Variants in GABRB1 observed in about 807,000 individuals in gnomAD.
GABRB1 encodes the protein gamma-aminobutyric acid receptor subunit beta-1.
A neutral mutation model predicts 51.6 loss-of-function variants in GABRB1; 17 were observed. The observed-to-expected ratio is 0.33, with a 90% CI of 0.23 to 0.49. The LOEUF is 0.49. Ranked by LOEUF, GABRB1 falls within the 20% of genes least tolerant of loss-of-function variation. GABRB1 has a pLI of 0.99. For synonymous variants in GABRB1, 247 were observed against 218.9 expected (o/e 1.13, Z -1.14); for missense variants, 410 against 600.6 (o/e 0.68, Z 3.32).
chr4:47,089,667 A>G (rs553727847), intron 3 of GABRB1, among the ~76,000 whole-genome samples: 1 of 152,352 alleles, frequency 6.6e-6, no homozygotes, highest in South Asian at 2.1e-4. Context: ...AGATTCAAAT[A>G]TTATAATCGA....
Position 47,371,933 on chromosome 4 carries a change from CTTAGT to C in GABRB1, c.545-31381_545-31377del, listed in dbSNP as rs200155221. Among the ~76,000 whole-genome samples the C allele has an allele frequency of 1.3e-4, 20 of 152,204 alleles. No individual in the cohort carries two copies. In the East Asian group the frequency reaches 3.7e-3, roughly 28 times the overall value. ...TATTTATTTTGCTATACAGAAGCTC[CTTAGT>C]TTAATTAGATCCATTTGTCAATTTT... On this transcript the variant is annotated intron_variant, in intron 5 of 8. Transcript: ENST00000295454.
At chr4:47,420,156 G>C (rs116543091) in intron 8 of GABRB1, among the ~76,000 whole-genome samples, 5 of 152,254 alleles carry the variant, frequency 3.3e-5, no homozygotes, top group African/African-American at 7.2e-5. Context: ...AAGCACAGGA[G>C]GGTTCAACAT....
At chr4:47,055,636 C>A (rs1276366168) in intron 3 of GABRB1, among the ~76,000 whole-genome samples, 3 of 152,094 alleles carry the variant, frequency 2.0e-5, no homozygotes, top group African/African-American at 7.2e-5. Flanking sequence ...GACACCTGGG[C>A]TTTATTTCTA....
chr4:47,314,289 A>G (rs955169417), intron 4 of GABRB1, among the ~76,000 whole-genome samples: 4 of 151,956 alleles, frequency 2.6e-5, no homozygotes, highest in African/African-American at 9.7e-5. Flanking sequence ...GCTTCCTAAA[A>G]GTTGGGTTTT....
intron 5 of GABRB1, among the ~76,000 whole-genome samples, chr4:47,351,081 C>G (rs7692240): frequency 0.057 from 8,611 of 152,276 alleles, 316 homozygotes; most frequent in Admixed American, 0.1. Context: ...AGCAAACTTA[C>G]ACTGGGCTCT....
At chr4:47,062,300 CTTTT>C (rs76714501) in intron 3 of GABRB1, among the ~76,000 whole-genome samples, 2 of 136,834 alleles carry the variant, frequency 1.5e-5, no homozygotes, top group Non-Finnish European at 3.2e-5. Context: ...GAAGCAATGT[CTTTT>C]TTTTTTTTTT....
At position 47,254,361 on chromosome 4, in the gene GABRB1, G is replaced by GTTTTTTTTTTTTTT. The variant is rs56838956; in HGVS notation, c.462-65748_462-65735dup. The stretch of plus-strand genomic sequence containing the variant: ...ATGGTGGATGATGTTTCTTTTCTTT[G>GTTTTTTTTTTTTTT]TTTTTTTTTTTTTTTTTTTTTTTTT... On this transcript the variant is annotated intron_variant, in intron 4 of 8. Transcript: ENST00000295454. 4.9e-4 allele frequency among the ~76,000 whole-genome samples: 40 copies of GTTTTTTTTTTTTTT among 80,964 alleles called. 1 individual carries two copies. Among genetic ancestry groups the GTTTTTTTTTTTTTT allele is most frequent in the Non-Finnish European group, 6.3e-4 (28 of 44,322 alleles). 53.1% of individuals were successfully genotyped at this position (80,964 alleles called of 152,430 possible).
At chr4:47,196,590 G>A (rs1423105720) in intron 4 of GABRB1, among the ~76,000 whole-genome samples, 2 of 152,206 alleles carry the variant, frequency 1.3e-5, no homozygotes, top group Non-Finnish European at 2.9e-5. Flanking sequence ...ACCTTCTGGA[G>A]TTATGGCTCA....
At chr4:47,242,831 T>C (rs1388224001) in intron 4 of GABRB1, among the ~76,000 whole-genome samples, 1 of 152,212 alleles carries the variant, frequency 6.6e-6, no homozygotes, top group Admixed American at 6.5e-5. Flanking sequence ...TCCCATTCTG[T>C]AGGTTGTCTG....
chr4:47,046,000 C>T (rs920804400), intron 3 of GABRB1, among the ~76,000 whole-genome samples: 2 of 152,064 alleles, frequency 1.3e-5, no homozygotes, highest in Non-Finnish European at 2.9e-5. Context: ...TGGGAAGTGA[C>T]TGAAACATAG....
At chr4:47,210,910 G>C (rs1294777011) in intron 4 of GABRB1, among the ~76,000 whole-genome samples, 1 of 152,128 alleles carries the variant, frequency 6.6e-6, no homozygotes, top group East Asian at 1.9e-4. Context: ...GATGACTTCT[G>C]GGAGGAGGTG....
At chr4:47,067,358 C>G (rs1197103059) in intron 3 of GABRB1, among the ~76,000 whole-genome samples, 1 of 152,164 alleles carries the variant, frequency 6.6e-6, no homozygotes, top group African/African-American at 2.4e-5. Flanking sequence ...GTCAGCCTGT[C>G]CTTTGAAGCT....
At chr4:47,325,019 G>A (rs1299887177) in intron 5 of GABRB1, among the ~76,000 whole-genome samples, 1 of 152,014 alleles carries the variant, frequency 6.6e-6, no homozygotes, top group Non-Finnish European at 1.5e-5. Context: ...CTTTTTACCT[G>A]GACCATTGTA....
chr4:47,353,528 C>T (rs1726440411), intron 5 of GABRB1, among the ~76,000 whole-genome samples: 1 of 152,134 alleles, frequency 6.6e-6, no homozygotes, highest in African/African-American at 2.4e-5. Context: ...CCTCTTCCCA[C>T]CTTTATAGGC....
intron 4 of GABRB1, among the ~76,000 whole-genome samples, chr4:47,258,172 T>C (rs2109873408): frequency 6.6e-6 from 1 of 152,304 alleles, no homozygotes; most frequent in East Asian, 1.9e-4. Context: ...GTGTCATATA[T>C]AGTGACATAT....
At chr4:47,359,474 A>G (rs530462037) in intron 5 of GABRB1, among the ~76,000 whole-genome samples, 2 of 152,216 alleles carry the variant, frequency 1.3e-5, no homozygotes, top group East Asian at 3.9e-4. Flanking sequence ...TAAAAGTTAA[A>G]TCAGCTTCCC....
intron 5 of GABRB1, among the ~76,000 whole-genome samples, chr4:47,398,447 TCTC>T (rs1728254632): frequency 6.6e-6 from 1 of 152,190 alleles, no homozygotes; most frequent in Non-Finnish European, 1.5e-5. Context: ...ACTCTCATCT[TCTC>T]CTTAACTTTC....
chr4:47,313,102 A>G (rs960328245), intron 4 of GABRB1, among the ~76,000 whole-genome samples: 8 of 152,174 alleles, frequency 5.3e-5, no homozygotes, highest in African/African-American at 1.9e-4. Flanking sequence ...ATAGCCCATT[A>G]TAGTGTTCTG....
chr4:47,419,277 T>C (rs1030394665), intron 8 of GABRB1, among the ~76,000 whole-genome samples: 1 of 152,216 alleles, frequency 6.6e-6, no homozygotes, highest in Admixed American at 6.5e-5. Context: ...GAAGCTGGAT[T>C]GTCCCTTCCA....
Sources: gnomAD v4.1 joint callset for allele counts (sites outside exome capture counted in the v4.1 genomes callset) on GRCh38, gnomAD v4.1.1 for gene constraint, MANE v1.5 for transcripts, NCBI Gene and HGNC (gene_info 2026-07-23, HGNC 2026-07-21) for gene names.